Variants in USP32 observed in about 807,000 individuals in gnomAD.
The protein encoded by USP32 is ubiquitin carboxyl-terminal hydrolase 32.
In USP32, 59 loss-of-function variants were observed where a neutral mutation model predicts 204.8. That is an observed-to-expected ratio of 0.29 (90% CI 0.23 to 0.36). USP32 has a LOEUF of 0.36. Ranked by LOEUF, USP32 falls within the 10% of genes least tolerant of loss-of-function variation. The pLI is 1.00. For missense variants in USP32, 1,160 were observed against 1,946.4 expected (o/e 0.60, Z 7.60); for synonymous variants, 517 against 678.4 (o/e 0.76, Z 3.70).
intron 29 of USP32, among the ~76,000 whole-genome samples, chr17:60,189,754 C>T (rs1332797483): frequency 6.6e-6 from 1 of 152,192 alleles, no homozygotes; most frequent in Non-Finnish European, 1.5e-5. Context: ...TGTAACTTTT[C>T]TGATCACTCT....
intron 1 of USP32, among the ~76,000 whole-genome samples, chr17:60,370,888 G>A (rs2089427140): frequency 6.6e-6 from 1 of 151,910 alleles, no homozygotes; most frequent in African/African-American, 2.4e-5. Flanking sequence ...TTGAGGCCAG[G>A]AGTTTGGGAC....
intron 1 of USP32, among the ~76,000 whole-genome samples, chr17:60,401,046 C>T (rs929337255): frequency 6.6e-6 from 1 of 152,020 alleles, no homozygotes; most frequent in Non-Finnish European, 1.5e-5. Flanking sequence ...GTCCCAGCTA[C>T]TTAGGAGGCT....
chr17:60,269,178 C>A (rs988034535), intron 7 of USP32, among the ~76,000 whole-genome samples: 5 of 152,140 alleles, frequency 3.3e-5, no homozygotes, highest in African/African-American at 9.7e-5. Flanking sequence ...TACATCATAG[C>A]TGATCTGATT....
At chr17:60,205,911 T>C (rs1053547616) in intron 25 of USP32, among the ~76,000 whole-genome samples, 8 of 152,246 alleles carry the variant, frequency 5.3e-5, no homozygotes, top group Admixed American at 4.6e-4. Flanking sequence ...TGCAGAAACC[T>C]GTATCAGCAC....
At chr17:60,323,521 T>G (rs1471053668) in intron 2 of USP32, among the ~76,000 whole-genome samples, 1 of 152,138 alleles carries the variant, frequency 6.6e-6, no homozygotes, top group Non-Finnish European at 1.5e-5. Flanking sequence ...TTTGGGGAGA[T>G]GAAACTGTGG....
chr17:60,268,582 C>CAAAA (rs57060420), intron 7 of USP32, among the ~76,000 whole-genome samples: 81 of 45,426 alleles, frequency 1.8e-3, no homozygotes, highest in African/African-American at 5.1e-3. Flanking sequence ...GACCCTGTCT[C>CAAAA]AAAAAAAAAA....
chr17:60,333,855 C>T (rs1156769112), intron 2 of USP32, among the ~76,000 whole-genome samples: 1 of 152,156 alleles, frequency 6.6e-6, no homozygotes, highest in East Asian at 1.9e-4. Context: ...GGCAGGCAAC[C>T]ACAGCTGCAG....
chr17:60,275,821 C>T (rs2086825972), intron 5 of USP32, among the ~76,000 whole-genome samples: 1 of 151,806 alleles, frequency 6.6e-6, no homozygotes, highest in African/African-American at 2.4e-5. Context: ...TAGCGATTCT[C>T]CTGCCTCAGC....
At chr17:60,271,202 T>A in intron 6 of USP32, 148 bp downstream of exon 6, 1 of 1,041,368 alleles carries the variant, frequency 9.6e-7, no homozygotes, top group Non-Finnish European at 1.4e-6. Flanking sequence ...ACTATAATAA[T>A]AATTCCCATT....
At chr17:60,220,841 G>C (rs934624580) in intron 15 of USP32, among the ~76,000 whole-genome samples, 11 of 151,888 alleles carry the variant, frequency 7.2e-5, no homozygotes, top group African/African-American at 2.7e-4. Flanking sequence ...TAGAGACAGG[G>C]TTTCACCGTT....
intron 2 of USP32, among the ~76,000 whole-genome samples, chr17:60,324,223 AATC>A (rs1450935429): frequency 1.3e-5 from 2 of 151,938 alleles, no homozygotes; most frequent in Non-Finnish European, 2.9e-5. Flanking sequence ...TCGAGGTTGC[AATC>A]AGCTATGATT....
At position 60,205,499 on chromosome 17, in the gene USP32, G is replaced by C; in HGVS notation, c.3197C>G (p.Ser1066Cys). Residue 1066 changes from serine to cysteine, a missense_variant, in exon 26 of 34, where the codon TCT (serine) becomes TGT (cysteine). Physicochemically the swap from Ser to Cys is moderately radical, Grantham distance 112. Around this residue, in one of 8 missense-constraint regions of USP32, gnomAD observed 160 missense variants for 322.5 expected, o/e 0.50. Coordinates refer to ENST00000300896, the MANE Select transcript of USP32 (RefSeq NM_032582.4). ...TNGMVNGHMP[S>C]LPDSPFTGYI... ...ACCTGTAAAGGGGCTGTCAGGAAGA[G>C]ATGGCATGTGACCATTAACCATTCC... The C allele has an allele frequency of 6.2e-7, 1 of 1,613,772 alleles. No individual in the cohort carries two copies. Among genetic ancestry groups the C allele is most frequent in the Non-Finnish European group, 8.5e-7 (1 of 1,179,706 alleles).
chr17:60,402,608 A>C (rs1223694571), intron 1 of USP32, among the ~76,000 whole-genome samples: 2 of 152,220 alleles, frequency 1.3e-5, no homozygotes, highest in Non-Finnish European at 1.5e-5. Flanking sequence ...GTTCCAGCAC[A>C]GTATGCATTA....
intron 1 of USP32, among the ~76,000 whole-genome samples, chr17:60,378,306 G>A (rs2089586969): frequency 6.6e-6 from 1 of 152,188 alleles, no homozygotes; most frequent in Non-Finnish European, 1.5e-5. Flanking sequence ...GTATTGGGTA[G>A]ATATGGAGAA....
In USP32 at chr17:60,219,560, C is replaced by A. The variant is rs530788172; in HGVS notation, c.1867+110G>T. On this transcript the variant is annotated intron_variant, in intron 16 of 33. Coordinates refer to ENST00000300896, the MANE Select transcript of USP32 (RefSeq NM_032582.4). ...CAGACTTCGAGCAACGTAGTTTTCA[C>A]CTTTTTTTTTTTTTTTTTTTTTTTT... 1.7e-5 allele frequency: 20 copies of A among 1,161,134 alleles called. No homozygotes were observed. The African/African-American group carries it at 2.6e-4, about 15-fold the overall frequency. 71.9% of individuals were successfully genotyped at this position (1,161,134 alleles called of 1,614,324 possible).
intron 1 of USP32, chr17:60,421,734 C>G (rs1374717496): frequency 1.3e-6 from 1 of 795,332 alleles, no homozygotes; most frequent in East Asian, 1.3e-4. Context: ...AGACTACACC[C>G]GGACTCTGCC....
In USP32 at chr17:60,343,024, C is replaced by T. The variant is rs149695770; in HGVS notation, c.186+2457G>A. 1.4e-3 allele frequency among the ~76,000 whole-genome samples: 212 copies of T among 152,302 alleles called. 1 individual carries two copies. The highest frequency in any genetic ancestry group is 5.0e-3 in the African/African-American group (207 of 41,570). On this transcript the variant is annotated intron_variant, in intron 2 of 33. Coordinates refer to ENST00000300896, the MANE Select transcript of USP32 (RefSeq NM_032582.4). ...TCTGCATCGATCACGCTGGGAGCTG[C>T]AGACCAGAGCTGTTCCTATTCGGCC...
chr17:60,303,980 G>A (rs2087656648), intron 2 of USP32, among the ~76,000 whole-genome samples: 1 of 152,000 alleles, frequency 6.6e-6, no homozygotes, highest in Non-Finnish European at 1.5e-5. Flanking sequence ...AAAAAAAAGA[G>A]AATGGGGCAA....
chr17:60,179,454 C>A (rs760818400), intron 33 of USP32, 26 bp from the exon 34 acceptor site: 1 of 1,610,334 alleles, frequency 6.2e-7, no homozygotes, highest in Non-Finnish European at 8.5e-7. Context: ...AAACCTTTAA[C>A]AAAAAGCCAT....
Sources: gnomAD v4.1 joint callset for allele counts (sites outside exome capture counted in the v4.1 genomes callset) on GRCh38, gnomAD v4.1.1 for gene constraint, gnomAD v4.1.1 regional missense constraint, MANE v1.5 for transcripts, NCBI Gene and HGNC (gene_info 2026-07-23, HGNC 2026-07-21) for gene names.